The following ATP6V0A1 variants were observed in gnomAD, a reference collection of about 807,000 sequenced individuals.
ATP6V0A1 encodes the protein V-type proton ATPase 116 kDa subunit a 1.
ATP6V0A1 carries 43 observed loss-of-function variants against 105.4 expected under a neutral mutation model. The observed-to-expected ratio is 0.41, with a 90% CI of 0.32 to 0.53. ATP6V0A1 has a LOEUF of 0.53. ATP6V0A1 is among the 20% of genes least tolerant of loss of function. The probability of loss-of-function intolerance (pLI) is 0.30; values close to 1 mark genes in which losing one functional copy is unlikely to be tolerated. For synonymous variants in ATP6V0A1, 362 were observed against 372.8 expected, an observed-to-expected ratio of 0.97 and a Z score of 0.33; for missense variants, 676 against 1,051.1, an observed-to-expected ratio of 0.64 and a Z score of 4.93.
intron 21 of ATP6V0A1, among the ~76,000 whole-genome samples, chr17:42,517,357 A>G (rs181479223): frequency 2.6e-5 from 4 of 152,306 alleles, no homozygotes; most frequent in African/African-American, 9.6e-5. Context: ...GGTCCCCCAT[A>G]AAAAGACTGC....
Position 42,477,674 on chromosome 17 carries a change from C to G in ATP6V0A1, c.438C>G (p.Asp146Glu). Reference protein sequence around the residue: ...QQFFDEMADPDLLEESSSLLE... With the variant: ...QQFFDEMADPELLEESSSLLE... ...ATCATCAGCAGATGGCGGATCCAGACTTGTTGGAAGAGTCCTCATCCCTCT... is the reference window on the plus strand; with the variant it reads ...ATCATCAGCAGATGGCGGATCCAGAGTTGTTGGAAGAGTCCTCATCCCTCT... The change falls in exon 6 of 22, where the codon GAC becomes GAG. Residue 146 changes from aspartate (D) to glutamate (E), a missense_variant. Coordinates refer to ENST00000343619, the MANE Select transcript of ATP6V0A1 (RefSeq NM_001130021.3). 6.2e-7 allele frequency: 1 copy of G among 1,613,798 alleles called. No homozygotes were observed. Among genetic ancestry groups the G allele is most frequent in the South Asian group, 1.1e-5 (1 of 91,022 alleles).
At chr17:42,500,613 G>T (rs2091593719) in intron 15 of ATP6V0A1, 94 bp from the exon 16 acceptor site, 1 of 968,086 alleles carries the variant, frequency 1.0e-6, no homozygotes, top group African/African-American at 1.6e-5. Context: ...AATTGAGGGG[G>T]TATTAAGTAG....
intron 11 of ATP6V0A1, among the ~76,000 whole-genome samples, chr17:42,491,098 C>T (rs994528456): frequency 6.6e-6 from 1 of 151,684 alleles, no homozygotes. Context: ...TTTTTAGAGA[C>T]GGGGTCTTGT....
At chr17:42,479,589 A>G (rs1344131500) in intron 7 of ATP6V0A1, among the ~76,000 whole-genome samples, 1 of 152,200 alleles carries the variant, frequency 6.6e-6, no homozygotes, top group African/African-American at 2.4e-5. Context: ...TTATCTTGTG[A>G]ATTTCTTAAA....
intron 7 of ATP6V0A1, chr17:42,480,456 T>C (rs2089349535): frequency 2.3e-6 from 1 of 440,960 alleles, no homozygotes; most frequent in Non-Finnish European, 4.0e-6. Flanking sequence ...AAAAAACAAA[T>C]AGAGAAAGAT....
chr17:42,488,955 C>T (rs1231381099), intron 10 of ATP6V0A1, among the ~76,000 whole-genome samples: 2 of 140,486 alleles, frequency 1.4e-5, no homozygotes, highest in Non-Finnish European at 3.0e-5. Flanking sequence ...GCAGAGGTTG[C>T]AGTGAGCTGA....
At chr17:42,483,655 C>T (rs1374519790) in intron 9 of ATP6V0A1, among the ~76,000 whole-genome samples, 1 of 152,164 alleles carries the variant, frequency 6.6e-6, no homozygotes, top group Non-Finnish European at 1.5e-5. Context: ...GATCTTGGCT[C>T]ACTGCAACCT....
chr17:42,483,479 C>T (rs2089771877), intron 9 of ATP6V0A1, among the ~76,000 whole-genome samples: 1 of 152,072 alleles, frequency 6.6e-6, no homozygotes, highest in Non-Finnish European at 1.5e-5. Flanking sequence ...GCTGTCTCAG[C>T]TCACTGCAAC....
intron 21 of ATP6V0A1, 122 bp downstream of exon 21, chr17:42,514,582 A>G: frequency 1.9e-6 from 2 of 1,061,284 alleles, no homozygotes; most frequent in Non-Finnish European, 2.6e-6. Flanking sequence ...CTGGCCCTGC[A>G]CTAGCTTCAC....
chr17:42,516,158 C>T (rs536013105), intron 21 of ATP6V0A1, among the ~76,000 whole-genome samples: 1 of 152,328 alleles, frequency 6.6e-6, no homozygotes, highest in East Asian at 1.9e-4. Flanking sequence ...ATGAATGTCT[C>T]TCTTCGTTCT....
chr17:42,495,284 TG>T, intron 13 of ATP6V0A1, 96 bp downstream of exon 13: 12 of 1,321,644 alleles, frequency 9.1e-6, no homozygotes, highest in Non-Finnish European at 1.2e-5. Flanking sequence ...CTTTAGGAAG[TG>T]GTGACAGTGT....
chr17:42,506,306 T>C (rs2092020385), intron 17 of ATP6V0A1, among the ~76,000 whole-genome samples: 1 of 152,262 alleles, frequency 6.6e-6, no homozygotes, highest in South Asian at 2.1e-4. Context: ...AGAATTTCTA[T>C]TTAAAATGCA....
At chr17:42,514,526 C>G (rs2146307782) in intron 21 of ATP6V0A1, 66 bp downstream of exon 21, 2 of 1,452,532 alleles carry the variant, frequency 1.4e-6, no homozygotes, top group East Asian at 4.8e-5. Context: ...GAGAGGGCAG[C>G]TTTTCTCCCA....
intron 17 of ATP6V0A1, among the ~76,000 whole-genome samples, chr17:42,506,686 C>T (rs1441111704): frequency 6.6e-6 from 1 of 152,188 alleles, no homozygotes; most frequent in African/African-American, 2.4e-5. Context: ...AGACTTAACT[C>T]ATTTCTGCCT....
intron 2 of ATP6V0A1, among the ~76,000 whole-genome samples, chr17:42,464,325 A>G (rs1044173872): frequency 6.6e-6 from 1 of 152,140 alleles, no homozygotes; most frequent in Non-Finnish European, 1.5e-5. Context: ...TTTGCCTTAG[A>G]TTCCTCTAAT....
chr17:42,488,207 G>A (rs1210272691), intron 10 of ATP6V0A1, among the ~76,000 whole-genome samples: 1 of 152,230 alleles, frequency 6.6e-6, no homozygotes, highest in Non-Finnish European at 1.5e-5. Flanking sequence ...AGAATGATAA[G>A]TTGTTGGTAA....
intron 21 of ATP6V0A1, among the ~76,000 whole-genome samples, chr17:42,517,246 C>T (rs185217373): frequency 6.6e-6 from 1 of 152,222 alleles, no homozygotes; most frequent in African/African-American, 2.4e-5. Flanking sequence ...CGCCACTGCA[C>T]TGCAACCTGG....
intron 8 of ATP6V0A1, among the ~76,000 whole-genome samples, chr17:42,482,140 C>CT (rs1045177515): frequency 4.0e-5 from 6 of 151,512 alleles, no homozygotes; most frequent in South Asian, 2.1e-4. Flanking sequence ...TGTGCCTGGC[C>CT]TTTTTTTTGT....
chr17:42,509,241 C>T lies in ATP6V0A1; in HGVS notation c.2130+652C>T, dbSNP rs186109949. On this transcript the variant is annotated intron_variant, in intron 19 of 21. Transcript: ENST00000343619. ...ATTATATCAGCCACATAGAGAATAACGGAGACTGGAAAGCAAATTGGCTAA... is the reference window on the plus strand; with the variant it reads ...ATTATATCAGCCACATAGAGAATAATGGAGACTGGAAAGCAAATTGGCTAA... Among the ~76,000 whole-genome samples the T allele has an allele frequency of 1.1e-4, 17 of 152,192 alleles. No individual in the cohort carries two copies. In the East Asian group the frequency reaches 1.5e-3, roughly 14 times the overall value.
Sources: allele counts gnomAD v4.1 joint callset (sites outside exome capture counted in the v4.1 genomes callset), GRCh38; gene constraint gnomAD v4.1.1; transcripts MANE v1.5; gene names NCBI Gene and HGNC (gene_info 2026-07-23, HGNC 2026-07-21).